Variants in ZNF407 observed in about 807,000 individuals in gnomAD.
ZNF407 encodes the protein zinc finger protein 407.
A neutral mutation model predicts 131.2 loss-of-function variants in ZNF407; 17 were observed. The ratio of observed to expected loss-of-function variants is 0.13; its 90% CI spans 0.09 to 0.19. The LOEUF is 0.19. Ranked by LOEUF, ZNF407 falls within the 10% of genes least tolerant of loss-of-function variation. ZNF407 has a pLI of 1.00. For synonymous variants in ZNF407, 1,156 were observed against 1,062.0 expected, an observed-to-expected ratio of 1.09 and a Z score of -1.72; for missense variants, 2,681 against 2,830.6, an observed-to-expected ratio of 0.95 and a Z score of 1.20.
At chr18:75,051,042 A>G (rs1973494907) in intron 8 of ZNF407, among the ~76,000 whole-genome samples, 1 of 152,136 alleles carries the variant, frequency 6.6e-6, no homozygotes, top group Non-Finnish European at 1.5e-5. Context: ...GTGGCAAATA[A>G]TAGAGCCCTG....
At chr18:74,923,242 C>A (rs1778701570) in intron 8 of ZNF407, among the ~76,000 whole-genome samples, 2 of 150,470 alleles carry the variant, frequency 1.3e-5, no homozygotes, top group African/African-American at 4.9e-5. Context: ...TTTTTTTAAC[C>A]ATGGATTATT....
At chr18:74,611,996 A>C (rs1179825676) in intron 1 of ZNF407, among the ~76,000 whole-genome samples, 2 of 152,204 alleles carry the variant, frequency 1.3e-5, no homozygotes, top group Non-Finnish European at 2.9e-5. Context: ...AATGTCCATC[A>C]GAGGAGAACA....
At chr18:74,651,663 A>G (rs1432173551) in intron 3 of ZNF407, among the ~76,000 whole-genome samples, 1 of 152,156 alleles carries the variant, frequency 6.6e-6, no homozygotes, top group Non-Finnish European at 1.5e-5. Flanking sequence ...AAAAAAGGAA[A>G]GATTTAGTGG....
At chr18:74,786,415 T>C (rs1969712682) in intron 4 of ZNF407, among the ~76,000 whole-genome samples, 1 of 152,142 alleles carries the variant, frequency 6.6e-6, no homozygotes, top group South Asian at 2.1e-4. Context: ...ACCCACTACT[T>C]ATTAGTCTTT....
At chr18:74,637,977 T>C (rs142338674) in intron 2 of ZNF407, among the ~76,000 whole-genome samples, 1 of 152,332 alleles carries the variant, frequency 6.6e-6, no homozygotes, top group East Asian at 1.9e-4. Flanking sequence ...AGTCTTCCCT[T>C]TCACATTACA....
intron 4 of ZNF407, among the ~76,000 whole-genome samples, chr18:74,803,040 T>A (rs1251312960): frequency 1.3e-5 from 2 of 152,304 alleles, no homozygotes; most frequent in African/African-American, 4.8e-5. Context: ...TTTCTTTTTT[T>A]AAATAATTAT....
At chr18:75,012,279 T>TATATGTACACAC (rs1972984145) in intron 8 of ZNF407, among the ~76,000 whole-genome samples, 1 of 116,994 alleles carries the variant, frequency 8.5e-6, no homozygotes, top group African/African-American at 3.1e-5. Context: ...TATGTACACA[T>TATATGTACACAC]AGTGTATGTA....
chr18:74,804,350 G>C, intron 4 of ZNF407: 2 of 1,055,956 alleles, frequency 1.9e-6, no homozygotes, highest in Non-Finnish European at 2.3e-6. Flanking sequence ...AAAGCTGACT[G>C]TCCAATCAAA....
intron 4 of ZNF407, among the ~76,000 whole-genome samples, chr18:74,851,795 A>C (rs999919337): frequency 6.6e-6 from 1 of 152,238 alleles, no homozygotes; most frequent in East Asian, 1.9e-4. Flanking sequence ...AAGAGTGAAC[A>C]ATACAGAACA....
chr18:74,863,645 G>A (rs1345328703), intron 4 of ZNF407, among the ~76,000 whole-genome samples: 1 of 152,084 alleles, frequency 6.6e-6, no homozygotes, highest in Non-Finnish European at 1.5e-5. Flanking sequence ...TTTTATTAAG[G>A]ATTTTTCAGA....
At chr18:74,960,633 G>A (rs1972330401) in intron 8 of ZNF407, among the ~76,000 whole-genome samples, 1 of 144,624 alleles carries the variant, frequency 6.9e-6, no homozygotes, top group Admixed American at 6.8e-5. Flanking sequence ...TGGGTGGAGG[G>A]ATAGGAGAAG....
intron 1 of ZNF407, among the ~76,000 whole-genome samples, chr18:74,608,933 C>T (rs1217416338): frequency 6.6e-6 from 1 of 152,006 alleles, no homozygotes; most frequent in Non-Finnish European, 1.5e-5. Flanking sequence ...TGAGGTTAAA[C>T]ATTTTTTTCT....
chr18:74,685,083 TTTTTC>T (rs1967066584), intron 3 of ZNF407, among the ~76,000 whole-genome samples: 1 of 152,140 alleles, frequency 6.6e-6, no homozygotes, highest in Non-Finnish European at 1.5e-5. Context: ...TTTGTTAGCT[TTTTTC>T]TTTTCTTCAC....
intron 8 of ZNF407, among the ~76,000 whole-genome samples, chr18:75,028,135 T>C (rs77600548): frequency 0.024 from 3,655 of 152,342 alleles, 138 homozygotes; most frequent in African/African-American, 0.076. Flanking sequence ...TACATATTTC[T>C]AGGCCTCACT....
chr18:74,920,890 T>C, intron 8 of ZNF407, 198 bp downstream of exon 8: 1 of 1,239,646 alleles, frequency 8.1e-7, no homozygotes, highest in Middle Eastern at 3.0e-4. Flanking sequence ...AACTGTATTT[T>C]ATCAAAAAAG....
rs1359621677 is a variant in ZNF407, at chr18:75,064,118, A to G, written c.6397A>G (p.Met2133Val). Residue 2133 changes from methionine (M) to valine (V), a missense_variant, in exon 9 of 9, where the codon ATG (methionine) becomes GTG (valine). Around this residue, in one of 6 missense-constraint regions of ZNF407, gnomAD observed 620 missense variants for 583.1 expected, o/e 1.06. Coordinates refer to ENST00000299687, the MANE Select transcript of ZNF407 (RefSeq NM_017757.3). ...IIMQEAQGEH[M>V]DLVESDGEIS... ...CATGCAGGAGGCGCAGGGCGAGCAC[A>G]TGGATCTGGTGGAGTCCGACGGGGA... 1.9e-6 allele frequency: 3 copies of G among 1,598,212 alleles called. No homozygotes were observed. Among genetic ancestry groups the G allele is most frequent in the Non-Finnish European group, 8.5e-7 (1 of 1,172,774 alleles).
chr18:74,636,331 G>GT (rs1465211687), intron 2 of ZNF407, among the ~76,000 whole-genome samples: 2 of 149,416 alleles, frequency 1.3e-5, no homozygotes, highest in African/African-American at 2.5e-5. Flanking sequence ...TAGGTGGAAA[G>GT]TTTTTAAAAA....
intron 8 of ZNF407, among the ~76,000 whole-genome samples, chr18:74,932,068 T>C (rs1971988915): frequency 6.6e-6 from 1 of 152,176 alleles, no homozygotes; most frequent in African/African-American, 2.4e-5. Flanking sequence ...TCCTTTATGC[T>C]CTGAGCTTTT....
intron 8 of ZNF407, among the ~76,000 whole-genome samples, chr18:74,926,768 C>T (rs1384036984): frequency 2.0e-4 from 31 of 152,330 alleles, no homozygotes; most frequent in Non-Finnish European, 1.5e-5. Flanking sequence ...CACCATTGCA[C>T]TCCTGCCTGG....
Sources: gnomAD v4.1 joint callset for allele counts (sites outside exome capture counted in the v4.1 genomes callset) on GRCh38, gnomAD v4.1.1 for gene constraint, gnomAD v4.1.1 regional missense constraint, MANE v1.5 for transcripts, NCBI Gene and HGNC (gene_info 2026-07-23, HGNC 2026-07-21) for gene names.